PPP1R14C: variants seen among roughly 807,000 people sequenced by gnomAD.
The protein encoded by PPP1R14C is protein phosphatase 1 regulatory inhibitor subunit 14C.
PPP1R14C carries 16 observed loss-of-function variants against 20.4 expected under a neutral mutation model. The ratio of observed to expected loss-of-function variants is 0.78; its 90% CI spans 0.53 to 1.19. PPP1R14C has a LOEUF of 1.19. Ranked by LOEUF, PPP1R14C falls within the 50% of genes most tolerant of loss-of-function variation. The probability of loss-of-function intolerance (pLI) is 0.00; values close to 1 mark genes in which losing one functional copy is unlikely to be tolerated. For synonymous variants in PPP1R14C, 91 were observed against 91.0 expected (o/e 1.00, Z 0.00); for missense variants, 211 against 220.1 (o/e 0.96, Z 0.26).
intron 1 of PPP1R14C, among the ~76,000 whole-genome samples, chr6:150,155,909 C>T (rs1172298268): frequency 6.6e-6 from 1 of 151,000 alleles, no homozygotes; most frequent in East Asian, 1.9e-4. Flanking sequence ...CCTGTAATCC[C>T]AGCTACTCAG....
Position 150,249,731 on chromosome 6 carries a change from A to G in PPP1R14C, c.*911A>G, listed in dbSNP as rs3734729. The G allele has an allele frequency of 0.055, 21,656 of 396,106 alleles. 701 individuals are homozygous for G. Among genetic ancestry groups the G allele is most frequent in the East Asian group, 0.097 (2,728 of 27,980 alleles). 24.5% of individuals were successfully genotyped at this position (396,106 alleles called of 1,614,324 possible). ...GTTTATTCTCTCTCCAGGAAAGCAG[A>G]TCAAAAGAAAGTTAGCAGATCGAGT... On this transcript the variant is annotated 3_prime_UTR_variant, in exon 4 of 4. Transcript: ENST00000361131.
In PPP1R14C at chr6:150,188,882, A is replaced by G. The variant is rs1247734643; in HGVS notation, c.307-25862A>G. ...TTATTTATTTATTAATTTTTTAGAC[A>G]GATTCTTGCTCTGTCACCCAGGCTG... On this transcript the variant is annotated intron_variant, in intron 1 of 3. Coordinates refer to ENST00000361131, the MANE Select transcript of PPP1R14C (RefSeq NM_030949.3). Among the ~76,000 whole-genome samples the G allele has an allele frequency of 3.4e-5, 5 of 147,918 alleles. No individual in the cohort carries two copies. In the East Asian group the frequency reaches 1.0e-3, roughly 30 times the overall value.
chr6:150,208,981 G>T (rs183087423), intron 1 of PPP1R14C, among the ~76,000 whole-genome samples: 2 of 152,060 alleles, frequency 1.3e-5, no homozygotes, highest in Non-Finnish European at 2.9e-5. Flanking sequence ...CTTTTTATAC[G>T]CTTCCTATGC....
intron 1 of PPP1R14C, among the ~76,000 whole-genome samples, chr6:150,145,964 T>C (rs9371775): frequency 0.48 from 72,904 of 151,974 alleles, 18,808 homozygotes; most frequent in East Asian, 0.85. Flanking sequence ...CAGTGTAAAG[T>C]GATGTATTTA....
chr6:150,145,980 A>T (rs532153487), intron 1 of PPP1R14C, among the ~76,000 whole-genome samples: 1 of 152,366 alleles, frequency 6.6e-6, no homozygotes, highest in Non-Finnish European at 1.5e-5. Context: ...ATTTAGAAAG[A>T]GGAAGAGGAA....
At position 150,241,674 on chromosome 6, in the gene PPP1R14C, G is replaced by A. The variant is rs183673162; in HGVS notation, c.424-7072G>A. Among the ~76,000 whole-genome samples the A allele has an allele frequency of 1.9e-4, 29 of 152,242 alleles. 1 individual carries two copies. The highest frequency in any genetic ancestry group is 9.8e-4 in the Admixed American group (15 of 15,298). On this transcript the variant is annotated intron_variant, in intron 3 of 3. Transcript: ENST00000361131. ...GGCCGAGGTGGGCGGATCACTTGAG[G>A]CCAGGAGTTCGAGACCAGCCTAGCC...
In PPP1R14C at chr6:150,242,466, A is replaced by G. The variant is rs141663471; in HGVS notation, c.424-6280A>G. Among the ~76,000 whole-genome samples, 765 of 152,192 alleles carry G rather than the reference A, an allele frequency of 5.0e-3. 5 individuals are homozygous for G. Among genetic ancestry groups the G allele is most frequent in the African/African-American group, 0.017 (707 of 41,510 alleles). On this transcript the variant is annotated intron_variant, in intron 3 of 3. Coordinates refer to ENST00000361131, the MANE Select transcript of PPP1R14C (RefSeq NM_030949.3). ...CTTTAAAAAACTAGGAGGGGGAAAA[A>G]CCCCTCTAATCATGTCAGTAATGGA...
intron 1 of PPP1R14C, among the ~76,000 whole-genome samples, chr6:150,193,603 A>G (rs1353028892): frequency 8.0e-6 from 1 of 124,230 alleles, no homozygotes; most frequent in East Asian, 2.7e-4. Context: ...ATGGAGGGCC[A>G]GGGCTGGGAG....
chr6:150,217,546 G>A (rs1778110874), intron 3 of PPP1R14C, among the ~76,000 whole-genome samples: 1 of 152,046 alleles, frequency 6.6e-6, no homozygotes, highest in African/African-American at 2.4e-5. Flanking sequence ...TTTCCAAAGA[G>A]TTACCTTTAT....
chr6:150,211,330 C>T (rs1448979604), intron 1 of PPP1R14C, among the ~76,000 whole-genome samples: 2 of 152,318 alleles, frequency 1.3e-5, no homozygotes, highest in East Asian at 1.9e-4. Context: ...TCCAGGGCCT[C>T]GTGCTATGGG....
chr6:150,240,687 G>A (rs1171457926), intron 3 of PPP1R14C, among the ~76,000 whole-genome samples: 1 of 152,232 alleles, frequency 6.6e-6, no homozygotes, highest in South Asian at 2.1e-4. Context: ...AATGCAGAAA[G>A]TGAGGAGGGT....
At chr6:150,240,285 C>T (rs1410097930) in intron 3 of PPP1R14C, among the ~76,000 whole-genome samples, 1 of 152,096 alleles carries the variant, frequency 6.6e-6, no homozygotes, top group East Asian at 1.9e-4. Flanking sequence ...TGAAATAGGC[C>T]TGATATTGTT....
At chr6:150,222,407 CACAGAGAGGT>C (rs1010567835) in intron 3 of PPP1R14C, among the ~76,000 whole-genome samples, 15 of 152,296 alleles carry the variant, frequency 9.8e-5, no homozygotes, top group African/African-American at 3.6e-4. Flanking sequence ...ACCATCTCCT[CACAGAGAGGT>C]ACATTTGTTA....
chr6:150,162,264 A>G (rs914631081), intron 1 of PPP1R14C, among the ~76,000 whole-genome samples: 1 of 152,220 alleles, frequency 6.6e-6, no homozygotes, highest in African/African-American at 2.4e-5. Context: ...CATGTTGGCC[A>G]GCCTGATCTC....
Position 150,143,294 on chromosome 6 carries a change from C to G in PPP1R14C, c.102C>G (p.Pro34=). 2 of 1,559,798 alleles carry G rather than the reference C, an allele frequency of 1.3e-6. No individual in the cohort carries two copies. The highest frequency in any genetic ancestry group is 8.6e-7 in the Non-Finnish European group (1 of 1,158,684). Reference sequence around the variant, plus strand: ...CCCGGGGTGGCGCCGGTGGCAGCCCCGGCTCCAGCAGCGGCTCAGGCTCCT... The same window carrying G: ...CCCGGGGTGGCGCCGGTGGCAGCCCGGGCTCCAGCAGCGGCTCAGGCTCCT... ...QSPRGGAGGS[P]GSSSGSGSSR... Residue 34 remains proline, a synonymous_variant, in exon 1 of 4, where the codon CCC becomes CCG. Coordinates refer to ENST00000361131, the MANE Select transcript of PPP1R14C (RefSeq NM_030949.3). This position sits in a 1 kb window ranked among gnomAD's most constrained non-coding sequence, Gnocchi z 5.6.
chr6:150,242,934 A>G (rs541562725), intron 3 of PPP1R14C, among the ~76,000 whole-genome samples: 26 of 152,222 alleles, frequency 1.7e-4, no homozygotes, highest in Non-Finnish European at 3.4e-4. Flanking sequence ...TGTTTACAAT[A>G]ACATCAACAA....
intron 1 of PPP1R14C, among the ~76,000 whole-genome samples, chr6:150,210,396 A>C (rs1035341707): frequency 6.6e-6 from 1 of 151,964 alleles, no homozygotes; most frequent in African/African-American, 2.4e-5. Context: ...ATTCCTCCCT[A>C]TTATCACTAT....
intron 1 of PPP1R14C, among the ~76,000 whole-genome samples, chr6:150,181,999 G>GT (rs1213744191): frequency 1.3e-5 from 2 of 151,992 alleles, no homozygotes; most frequent in Non-Finnish European, 2.9e-5. Flanking sequence ...ATAAGAATTA[G>GT]TTTTTTTTGG....
chr6:150,235,544 G>A (rs961413933), intron 3 of PPP1R14C, among the ~76,000 whole-genome samples: 2 of 152,198 alleles, frequency 1.3e-5, no homozygotes, highest in African/African-American at 2.4e-5. Context: ...GGAAAAATAG[G>A]GGTCCTTAGC....
Sources: gnomAD v4.1 joint callset for allele counts (sites outside exome capture counted in the v4.1 genomes callset) on GRCh38, gnomAD v4.1.1 for gene constraint, Gnocchi (gnomAD v3.1) non-coding constraint, MANE v1.5 for transcripts, NCBI Gene and HGNC (gene_info 2026-07-23, HGNC 2026-07-21) for gene names.